The following FSHR variants were observed in gnomAD, a reference collection of about 807,000 sequenced individuals.
FSHR encodes follicle stimulating hormone receptor.
In FSHR, 46 loss-of-function variants were observed where a neutral mutation model predicts 52.1. The observed-to-expected ratio is 0.88, with a 90% confidence interval of 0.70 to 1.13. FSHR has a LOEUF of 1.13. Ranked by LOEUF, FSHR falls within the 50% of genes most tolerant of loss-of-function variation. The probability of loss-of-function intolerance (pLI) is 0.00; values close to 1 mark genes in which losing one functional copy is unlikely to be tolerated. For missense variants in FSHR, 964 were observed against 834.6 expected, an observed-to-expected ratio of 1.16 and a Z score of -1.91; for synonymous variants, 399 against 309.6, an observed-to-expected ratio of 1.29 and a Z score of -3.03.
Position 49,029,649 on chromosome 2 carries a change from T to A in FSHR, c.225-9489A>T, listed in dbSNP as rs377672851. Reference sequence around the variant, plus strand: ...TTGAAGATCACATGAATAATGCATGTCATGCACTAGGATAAAAGCACATAG... The same window carrying A: ...TTGAAGATCACATGAATAATGCATGACATGCACTAGGATAAAAGCACATAG... On this transcript the variant is annotated intron_variant, in intron 2 of 9. Coordinates refer to ENST00000406846, the MANE Select transcript of FSHR (RefSeq NM_000145.4). Among the ~76,000 whole-genome samples, 4 of 152,320 alleles carry A rather than the reference T, an allele frequency of 2.6e-5. No individual in the cohort carries two copies. The East Asian group carries it at 7.7e-4, about 29-fold the overall frequency.
chr2:48,986,393 CTTTTTTT>C (rs34394877), intron 6 of FSHR, among the ~76,000 whole-genome samples: 1 of 124,074 alleles, frequency 8.1e-6, no homozygotes, highest in African/African-American at 3.0e-5. Flanking sequence ...ATTTGCCATG[CTTTTTTT>C]TTTTTTTTTT....
At chr2:49,020,912 G>C (rs536249307) in intron 2 of FSHR, among the ~76,000 whole-genome samples, 1 of 152,178 alleles carries the variant, frequency 6.6e-6, no homozygotes, top group South Asian at 2.1e-4. Flanking sequence ...CACAGGGAGG[G>C]GAACAACACA....
At chr2:49,098,604 T>G (rs1035476944) in intron 1 of FSHR, among the ~76,000 whole-genome samples, 1 of 151,650 alleles carries the variant, frequency 6.6e-6, no homozygotes, top group Non-Finnish European at 1.5e-5. Flanking sequence ...TACAGAGATT[T>G]GATCTTGCTA....
At chr2:49,036,840 C>G (rs1668289023) in intron 2 of FSHR, among the ~76,000 whole-genome samples, 1 of 152,110 alleles carries the variant, frequency 6.6e-6, no homozygotes, top group African/African-American at 2.4e-5. Flanking sequence ...AAAAGCCTCT[C>G]CAGATCCAGA....
At chr2:49,148,780 TAAAGACAC>T (rs2103856533) in intron 1 of FSHR, among the ~76,000 whole-genome samples, 1 of 152,098 alleles carries the variant, frequency 6.6e-6, no homozygotes, top group East Asian at 1.9e-4. Context: ...AGGCATAACG[TAAAGACAC>T]AAAGAGGTAG....
At chr2:48,991,183 T>G (rs2072483) in intron 4 of FSHR, among the ~76,000 whole-genome samples, 83,825 of 151,870 alleles carry the variant, frequency 0.55, 24,691 homozygotes, top group Non-Finnish European at 0.66. Flanking sequence ...TTTCTATAGC[T>G]GAAAATTTCA....
intron 1 of FSHR, among the ~76,000 whole-genome samples, chr2:49,073,544 T>C (rs527729376): frequency 6.6e-6 from 1 of 151,798 alleles, no homozygotes; most frequent in East Asian, 1.9e-4. Context: ...TAAAAGAAAT[T>C]AAAGAAGATA....
rs1164777035 is a variant in FSHR, at chr2:49,055,276, A to T, written c.224+12943T>A. On this transcript the variant is annotated intron_variant, in intron 2 of 9. Transcript: ENST00000406846. Reference sequence around the variant, plus strand: ...AGCTGAGAGCTTCAACAACAGATTGACCAAGCAGAAGAAAAAATACCTGAA... The same window carrying T: ...AGCTGAGAGCTTCAACAACAGATTGTCCAAGCAGAAGAAAAAATACCTGAA... Among the ~76,000 whole-genome samples, 111 of 151,568 alleles carry T rather than the reference A, an allele frequency of 7.3e-4. 1 individual carries two copies. The highest frequency in any genetic ancestry group is 1.8e-4 in the Non-Finnish European group (12 of 67,916).
At chr2:49,036,539 G>T (rs899060598) in intron 2 of FSHR, among the ~76,000 whole-genome samples, 1 of 151,662 alleles carries the variant, frequency 6.6e-6, no homozygotes, top group African/African-American at 2.4e-5. Flanking sequence ...AAATACATAG[G>T]GCACAGTCAG....
intron 1 of FSHR, among the ~76,000 whole-genome samples, chr2:49,129,441 G>A (rs369388504): frequency 6.6e-6 from 1 of 152,188 alleles, no homozygotes; most frequent in African/African-American, 2.4e-5. Context: ...AGAATCATTT[G>A]TGTATTTCTG....
chr2:49,092,514 C>G (rs551284477), intron 1 of FSHR, among the ~76,000 whole-genome samples: 3 of 152,156 alleles, frequency 2.0e-5, no homozygotes, highest in Non-Finnish European at 4.4e-5. Flanking sequence ...TTGCTTCTAT[C>G]TCTAGTCTGC....
intron 1 of FSHR, among the ~76,000 whole-genome samples, chr2:49,122,132 C>T (rs1027617810): frequency 2.6e-5 from 4 of 152,112 alleles, no homozygotes; most frequent in Non-Finnish European, 5.9e-5. Context: ...GAGAGGTGAA[C>T]TTTTCCTTTC....
Position 49,076,946 on chromosome 2 carries a change from C to T in FSHR, c.153-8656G>A, listed in dbSNP as rs1028138165. On this transcript the variant is annotated intron_variant, in intron 1 of 9. Transcript: ENST00000406846. ...GGTTCCATGATCTTGGGCAGCTCTG[C>T]CCCTGTGGCTTTGCAGGGTACAGCC... 2.6e-5 allele frequency among the ~76,000 whole-genome samples: 4 copies of T among 152,194 alleles called. 1 individual carries two copies. The highest frequency in any genetic ancestry group is 2.1e-4 in the South Asian group (1 of 4,814).
At chr2:49,077,530 G>A (rs72879812) in intron 1 of FSHR, among the ~76,000 whole-genome samples, 31,556 of 152,126 alleles carry the variant, frequency 0.21, 3,606 homozygotes, top group African/African-American at 0.32. Flanking sequence ...ATGTTGTCTT[G>A]GGTATTAACA....
chr2:49,081,008 C>T (rs1219420623), intron 1 of FSHR, among the ~76,000 whole-genome samples: 4 of 152,156 alleles, frequency 2.6e-5, no homozygotes, highest in African/African-American at 4.8e-5. Flanking sequence ...TCTGGCTGCC[C>T]GTTCCTATGG....
At chr2:49,054,167 A>T (rs897822291) in intron 2 of FSHR, among the ~76,000 whole-genome samples, 1 of 152,158 alleles carries the variant, frequency 6.6e-6, no homozygotes, top group African/African-American at 2.4e-5. Flanking sequence ...CATAGCACTA[A>T]TGATGTTACC....
chr2:49,131,700 G>A lies in FSHR; in HGVS notation c.152+22566C>T, dbSNP rs569376372. On this transcript the variant is annotated intron_variant, in intron 1 of 9. Transcript: ENST00000406846. ...TCTCCCCTACTCAAGCACTGTACTTGGCACATTTCTAGAAATAAAATAGAT... is the reference window on the plus strand; with the variant it reads ...TCTCCCCTACTCAAGCACTGTACTTAGCACATTTCTAGAAATAAAATAGAT... Among the ~76,000 whole-genome samples the A allele has an allele frequency of 4.6e-5, 7 of 152,166 alleles. No homozygotes were observed. In the South Asian group the frequency reaches 1.5e-3, roughly 32 times the overall value.
In FSHR at chr2:49,142,365, T is replaced by C. The variant is rs150300859; in HGVS notation, c.152+11901A>G. Among the ~76,000 whole-genome samples the C allele has an allele frequency of 7.4e-4, 113 of 152,188 alleles. 1 individual carries two copies. Among genetic ancestry groups the C allele is most frequent in the African/African-American group, 2.5e-3 (102 of 41,532 alleles). On this transcript the variant is annotated intron_variant, in intron 1 of 9. Coordinates refer to ENST00000406846, the MANE Select transcript of FSHR (RefSeq NM_000145.4). Reference sequence around the variant, plus strand: ...CGTGTCATCTCATCATGCTGAAAGATGTGAAGAGGAAAGAGAAAAATAGAT... The same window carrying C: ...CGTGTCATCTCATCATGCTGAAAGACGTGAAGAGGAAAGAGAAAAATAGAT...
intron 2 of FSHR, among the ~76,000 whole-genome samples, chr2:49,028,507 G>A (rs1269217493): frequency 6.6e-6 from 1 of 152,128 alleles, no homozygotes; most frequent in Non-Finnish European, 1.5e-5. Flanking sequence ...CACCTGTTAG[G>A]GTTTTTGTGA....
Sources: allele counts gnomAD v4.1 joint callset (sites outside exome capture counted in the v4.1 genomes callset), GRCh38; gene constraint gnomAD v4.1.1; transcripts MANE v1.5; gene names NCBI Gene and HGNC (gene_info 2026-07-23, HGNC 2026-07-21).